GMNN: variants seen among roughly 807,000 people sequenced by gnomAD.
GMNN encodes the protein geminin.
Under a neutral mutation model 20.9 loss-of-function variants are expected in GMNN, and 14 were observed. The observed-to-expected ratio is 0.67, with a 90% CI of 0.44 to 1.05. The LOEUF (loss-of-function observed/expected upper bound fraction) is 1.05. Among genes scored for constraint, GMNN ranks in the 50% least tolerant of loss-of-function variants. GMNN has a pLI of 0.00. For synonymous variants in GMNN, 81 were observed against 85.8 expected, an observed-to-expected ratio of 0.94 and a Z score of 0.31; for missense variants, 227 against 243.8, an observed-to-expected ratio of 0.93 and a Z score of 0.46.
chr6:24,785,549 A>G (rs1780330645), intron 6 of GMNN, 89 bp from the exon 7 acceptor site: 1 of 582,954 alleles, frequency 1.7e-6, no homozygotes, highest in African/African-American at 2.0e-5. Flanking sequence ...TAGCTATATC[A>G]GTATGCTATA....
rs1163033353 is a variant in GMNN, at chr6:24,775,015, G to T, written c.-255G>T. The stretch of plus-strand genomic sequence containing the variant: ...ACTGCAGAGCGCGCCGGGCACTCCA[G>T]CGACCGTGGGGATCAGCGTAGGTGA... On this transcript the variant is annotated 5_prime_UTR_variant, in exon 1 of 7. Coordinates refer to ENST00000230056, the MANE Select transcript of GMNN (RefSeq NM_015895.5). 6.6e-6 allele frequency: 1 copy of T among 152,424 alleles called. No individual in the cohort carries two copies. Among genetic ancestry groups the T allele is most frequent in the Non-Finnish European group, 1.5e-5 (1 of 68,178 alleles). 9.4% of individuals were successfully genotyped at this position (152,424 alleles called of 1,614,324 possible). A position where few individuals can be genotyped will look rare whatever the true frequency, so the allele number is the denominator to read the frequency against.
chr6:24,783,967 CTT>C, intron 4 of GMNN, 118 bp from the exon 5 acceptor site: 1 of 455,698 alleles, frequency 2.2e-6, no homozygotes, highest in South Asian at 4.4e-5. Flanking sequence ...TAACTTTAAT[CTT>C]TTAAAAATGA....
At chr6:24,778,004 C>T (rs1780117963) in intron 2 of GMNN, among the ~76,000 whole-genome samples, 1 of 152,178 alleles carries the variant, frequency 6.6e-6, no homozygotes. Context: ...ATGATACTTT[C>T]ACTGGAAATC....
chr6:24,775,167 C>T lies in GMNN; in HGVS notation c.-103C>T, dbSNP rs1264201155. The T allele has an allele frequency of 6.6e-6, 1 of 152,466 alleles. No homozygotes were observed. The highest frequency in any genetic ancestry group is 1.9e-4 in the East Asian group (1 of 5,204). 9.4% of individuals were successfully genotyped at this position (152,466 alleles called of 1,614,324 possible). The stretch of plus-strand genomic sequence containing the variant: ...GTACGCAGGGGCGCAAGGCGCACAG[C>T]CTCTAGACGACTCGCTTTCCCTCCG... On this transcript the variant is annotated 5_prime_UTR_variant, in exon 1 of 7. Transcript: ENST00000230056.
rs751814540 is a variant in GMNN at position 24,781,471 on chromosome 6, T to A, written c.130-6T>A. 6.3e-7 allele frequency: 1 copy of A among 1,581,482 alleles called. No individual in the cohort carries two copies. The highest frequency in any genetic ancestry group is 1.1e-5 in the South Asian group (1 of 89,072). On this transcript the variant is annotated splice_polypyrimidine_tract_variant and splice_region_variant and intron_variant, in intron 3 of 6. Coordinates refer to ENST00000230056, the MANE Select transcript of GMNN (RefSeq NM_015895.5). The stretch of plus-strand genomic sequence containing the variant: ...TAAATACAGTTGATAAGTGTTTTCA[T>A]TATAGCTGTCCGCAGGCTTGTCCAA...
chr6:24,783,238 A>G (rs1780262912), intron 4 of GMNN, among the ~76,000 whole-genome samples: 1 of 152,212 alleles, frequency 6.6e-6, no homozygotes, highest in Admixed American at 6.5e-5. Flanking sequence ...AAAATGAATA[A>G]CGTCAAGAAT....
At chr6:24,779,773 A>G (rs1780156737) in intron 2 of GMNN, among the ~76,000 whole-genome samples, 1 of 152,228 alleles carries the variant, frequency 6.6e-6, no homozygotes, top group African/African-American at 2.4e-5. Flanking sequence ...GAACTTTCAG[A>G]TCATGAAATA....
intron 2 of GMNN, 98 bp downstream of exon 2, chr6:24,777,395 G>GGCTATAATA (rs1191501256): frequency 1.8e-5 from 9 of 511,378 alleles, no homozygotes; most frequent in Non-Finnish European, 3.1e-5. Flanking sequence ...TATAATTTCT[G>GGCTATAATA]TAAGCCTTGA....
Position 24,775,060 on chromosome 6 carries a change from T to C in GMNN, c.-210T>C, listed in dbSNP as rs1474626730. ...AGGTGAGCTGTGGCCTTTTGCGAGG[T>C]GCTGCAGCCATAGCTACGTGCGTTC... On this transcript the variant is annotated 5_prime_UTR_variant, in exon 1 of 7. Transcript: ENST00000230056. The C allele has an allele frequency of 6.6e-6, 1 of 152,326 alleles. No homozygotes were observed. Among genetic ancestry groups the C allele is most frequent in the Non-Finnish European group, 1.5e-5 (1 of 68,128 alleles). The allele number at this position is 152,326 out of a possible 1,614,324, so 9.4% of individuals were successfully genotyped here. A position where few individuals can be genotyped will look rare whatever the true frequency, so the allele number is the denominator to read the frequency against.
At chr6:24,780,617 A>G (rs748455639) in intron 2 of GMNN, 46 bp from the exon 3 acceptor site, 8 of 1,044,258 alleles carry the variant, frequency 7.7e-6, no homozygotes, top group East Asian at 7.1e-5. Flanking sequence ...CTAAATAACC[A>G]TATTGCAACT....
intron 2 of GMNN, among the ~76,000 whole-genome samples, chr6:24,778,631 TGAATAA>T (rs1200410965): frequency 1.3e-5 from 2 of 150,318 alleles, no homozygotes; most frequent in South Asian, 2.1e-4. Flanking sequence ...ATATTTTTCT[TGAATAA>T]GAATGTCAAT....
At chr6:24,778,202 GTTT>G (rs1202747403) in intron 2 of GMNN, among the ~76,000 whole-genome samples, 1 of 152,112 alleles carries the variant, frequency 6.6e-6, no homozygotes, top group Non-Finnish European at 1.5e-5. Context: ...TCAATTTGCG[GTTT>G]TAAATAAATA....
At position 24,784,725 on chromosome 6, in the gene GMNN, G is replaced by A. The variant is rs61172438; in HGVS notation, c.468+171G>A. On this transcript the variant is annotated intron_variant, in intron 6 of 6. Transcript: ENST00000230056. ...TTTGCTGGGTAGAGTGGGTTTATCC[G>A]GTCAGGGCTTCATCTTCCTCATCCA... Among the ~76,000 whole-genome samples, 250 of 152,142 alleles carry A rather than the reference G, an allele frequency of 1.6e-3. 1 individual carries two copies. Among genetic ancestry groups the A allele is most frequent in the African/African-American group, 5.7e-3 (238 of 41,526 alleles).
intron 4 of GMNN, among the ~76,000 whole-genome samples, chr6:24,781,907 G>C (rs1780231118): frequency 6.6e-6 from 1 of 152,124 alleles, no homozygotes; most frequent in Non-Finnish European, 1.5e-5. Flanking sequence ...GGACAACACA[G>C]TGAGGCTCTC....
chr6:24,780,622 G>A (rs1005983784), intron 2 of GMNN, 41 bp from the exon 3 acceptor site: 2 of 1,089,716 alleles, frequency 1.8e-6, no homozygotes, highest in African/African-American at 3.1e-5. Context: ...TAACCATATT[G>A]CAACTCAGTA....
At chr6:24,777,054 C>G (rs2113570864) in intron 1 of GMNN, 168 bp from the exon 2 acceptor site, 2 of 386,706 alleles carry the variant, frequency 5.2e-6, no homozygotes, top group African/African-American at 2.1e-5. Flanking sequence ...ATATAGATAT[C>G]AAGAGTCATT....
Position 24,784,154 on chromosome 6 carries a change from T to G in GMNN, c.342T>G (p.Leu114=). The change falls in exon 5 of 7, where the codon CTT becomes CTG. Residue 114 remains leucine, a synonymous_variant. Coordinates refer to ENST00000230056, the MANE Select transcript of GMNN (RefSeq NM_015895.5). ...EKRRKALYEA[L]KENEKLHKEI... The stretch of plus-strand genomic sequence containing the variant: ...GGAGAAAGGCGCTGTATGAAGCACT[T>G]AAGGAAAATGAGAAAGTATGTATTG... The G allele has an allele frequency of 1.3e-6, 2 of 1,499,448 alleles. No homozygotes were observed. Among genetic ancestry groups the G allele is most frequent in the Non-Finnish European group, 1.9e-6 (2 of 1,077,388 alleles). 92.9% of individuals were successfully genotyped at this position (1,499,448 alleles called of 1,614,324 possible). A position where few individuals can be genotyped will look rare whatever the true frequency, so the allele number is the denominator to read the frequency against.
intron 6 of GMNN, among the ~76,000 whole-genome samples, chr6:24,785,338 A>G (rs1780322719): frequency 6.6e-6 from 1 of 152,166 alleles, no homozygotes; most frequent in Non-Finnish European, 1.5e-5. Context: ...AGCTGATTGG[A>G]AATGTAGAAC....
chr6:24,780,877 C>T (rs368742288), intron 3 of GMNN, 137 bp downstream of exon 3: 2 of 599,930 alleles, frequency 3.3e-6, no homozygotes, highest in Non-Finnish European at 6.1e-6. Context: ...ATATATTTCC[C>T]AAAGAAGTGA....
Sources: allele counts gnomAD v4.1 joint callset (sites outside exome capture counted in the v4.1 genomes callset), GRCh38; gene constraint gnomAD v4.1.1; transcripts MANE v1.5; gene names NCBI Gene and HGNC (gene_info 2026-07-23, HGNC 2026-07-21).